The following LPP variants were observed in gnomAD, a reference collection of about 807,000 sequenced individuals.
The protein encoded by LPP is LIM domain containing preferred translocation partner in lipoma, also known as lipoma-preferred partner.
In LPP, 38 loss-of-function variants were observed where a neutral mutation model predicts 60.4. That is an observed-to-expected ratio of 0.63 (90% CI 0.49 to 0.83). LPP has a LOEUF of 0.83. Among genes scored for constraint, LPP ranks in the 40% least tolerant of loss-of-function variants. LPP has a pLI of 0.00. For missense variants in LPP, 902 were observed against 783.6 expected (o/e 1.15, Z -1.80); for synonymous variants, 328 against 290.8 (o/e 1.13, Z -1.30).
chr3:188,294,245 G>T (rs1429492763), intron 2 of LPP, among the ~76,000 whole-genome samples: 1 of 151,998 alleles, frequency 6.6e-6, no homozygotes, highest in South Asian at 2.1e-4. Context: ...TTTTTGGGAT[G>T]CTGAAAATGC....
At chr3:188,726,893 A>C (rs534390307) in intron 8 of LPP, among the ~76,000 whole-genome samples, 4 of 152,188 alleles carry the variant, frequency 2.6e-5, no homozygotes, top group Non-Finnish European at 5.9e-5. Flanking sequence ...CAAAAAAGGG[A>C]GCTTTCTCAG....
chr3:188,230,781 A>G (rs9871616), intron 2 of LPP, among the ~76,000 whole-genome samples: 1 of 151,972 alleles, frequency 6.6e-6, no homozygotes, highest in Non-Finnish European at 1.5e-5. Flanking sequence ...CTCAAAAAAA[A>G]AAAAAAAGAA....
At chr3:188,660,143 T>C (rs1854248247) in intron 7 of LPP, among the ~76,000 whole-genome samples, 1 of 152,216 alleles carries the variant, frequency 6.6e-6, no homozygotes, top group South Asian at 2.1e-4. Context: ...ATTTGCTTTT[T>C]GGTTTTACAT....
At chr3:188,420,851 G>T (rs776029574) in intron 4 of LPP, among the ~76,000 whole-genome samples, 1 of 152,092 alleles carries the variant, frequency 6.6e-6, no homozygotes. Context: ...AAAGTGTAAC[G>T]TGTACACAAT....
In LPP at chr3:188,767,058, T is replaced by C. The variant is rs114407869; in HGVS notation, c.1410+6776T>C. ...AAGAATATATGTCACCTACATATGC[T>C]TTCTGAAGGTTGATTCAAGGATATT... On this transcript the variant is annotated intron_variant, in intron 9 of 11. Coordinates refer to ENST00000617246, the MANE Select transcript of LPP (RefSeq NM_001375462.1). Among the ~76,000 whole-genome samples the C allele has an allele frequency of 4.7e-3, 713 of 152,312 alleles. 3 individuals are homozygous for C. The highest frequency in any genetic ancestry group is 0.016 in the African/African-American group (668 of 41,562).
chr3:188,556,491 A>G (rs1829492255), intron 6 of LPP, among the ~76,000 whole-genome samples: 1 of 152,138 alleles, frequency 6.6e-6, no homozygotes, highest in African/African-American at 2.4e-5. Flanking sequence ...GAATAAAATG[A>G]TCACTAACAT....
intron 3 of LPP, among the ~76,000 whole-genome samples, chr3:188,353,909 G>A (rs1248477976): frequency 6.6e-6 from 1 of 151,696 alleles, no homozygotes; most frequent in Non-Finnish European, 1.5e-5. Flanking sequence ...AAAGAAAAAG[G>A]CACTCTGCCC....
At chr3:188,856,793 T>G (rs1451826528) in intron 9 of LPP, among the ~76,000 whole-genome samples, 2 of 152,198 alleles carry the variant, frequency 1.3e-5, no homozygotes, top group Non-Finnish European at 2.9e-5. Context: ...TTATGAAAGC[T>G]GGACCTAAGG....
chr3:188,700,264 A>G (rs896891965), intron 7 of LPP, among the ~76,000 whole-genome samples: 18 of 152,162 alleles, frequency 1.2e-4, no homozygotes, highest in Non-Finnish European at 2.6e-4. Context: ...TTTGCAGTAA[A>G]TTTGAGTTAT....
At chr3:188,535,255 T>C (rs1395668599) in intron 6 of LPP, among the ~76,000 whole-genome samples, 3 of 152,146 alleles carry the variant, frequency 2.0e-5, no homozygotes, top group African/African-American at 7.2e-5. Flanking sequence ...CACAAATATT[T>C]CAATGTAAAG....
chr3:188,839,633 G>C (rs1759396096), intron 9 of LPP, among the ~76,000 whole-genome samples: 2 of 152,138 alleles, frequency 1.3e-5, no homozygotes, highest in South Asian at 4.1e-4. Context: ...GCTTCACTTT[G>C]GGAGGCTGAG....
rs1770579434 is a variant in LPP, at chr3:188,885,705, A to T, written c.*11226A>T. 2 of 152,522 alleles carry T rather than the reference A, an allele frequency of 1.3e-5. No homozygotes were observed. The highest frequency in any genetic ancestry group is 2.9e-5 in the Non-Finnish European group (2 of 68,260). 9.4% of individuals were successfully genotyped at this position (152,522 alleles called of 1,614,324 possible). ...TATTTCTAGTTCTAGATCCCTGAGG[A>T]ATCTCCACACTGACTTCCACAATGG... On this transcript the variant is annotated 3_prime_UTR_variant, in exon 12 of 12. Transcript: ENST00000617246.
chr3:188,329,803 T>TCC (rs1759486580), intron 2 of LPP, among the ~76,000 whole-genome samples: 1 of 152,172 alleles, frequency 6.6e-6, no homozygotes, highest in Non-Finnish European at 1.5e-5. Flanking sequence ...TGACTGTTCA[T>TCC]TTTCTGAATA....
At chr3:188,784,056 T>A (rs1012730394) in intron 9 of LPP, among the ~76,000 whole-genome samples, 5 of 152,078 alleles carry the variant, frequency 3.3e-5, no homozygotes, top group Admixed American at 3.3e-4. Context: ...ATATTTGTAA[T>A]CTTTTATCCC....
At chr3:188,578,539 G>A (rs924012613) in intron 6 of LPP, among the ~76,000 whole-genome samples, 12 of 152,148 alleles carry the variant, frequency 7.9e-5, no homozygotes, top group Middle Eastern at 6.8e-3. Flanking sequence ...CAATGAAGGC[G>A]ACAGGTTTTT....
chr3:188,656,766 T>A (rs1853309020), intron 7 of LPP, among the ~76,000 whole-genome samples: 1 of 152,192 alleles, frequency 6.6e-6, no homozygotes, highest in South Asian at 2.1e-4. Flanking sequence ...CCTTCTGGCT[T>A]GAAGGAATAA....
At chr3:188,443,907 C>T (rs1033401315) in intron 4 of LPP, among the ~76,000 whole-genome samples, 1 of 152,214 alleles carries the variant, frequency 6.6e-6, no homozygotes, top group Non-Finnish European at 1.5e-5. Flanking sequence ...TACACACTAG[C>T]TCTTCTAACA....
intron 9 of LPP, among the ~76,000 whole-genome samples, chr3:188,786,182 C>A (rs1244325528): frequency 6.6e-6 from 1 of 151,546 alleles, no homozygotes. Context: ...GAGTTCGAAA[C>A]CAGTGTGGCC....
At chr3:188,829,396 A>G (rs1756529350) in intron 9 of LPP, among the ~76,000 whole-genome samples, 1 of 152,124 alleles carries the variant, frequency 6.6e-6, no homozygotes, top group Non-Finnish European at 1.5e-5. Context: ...CCACTTACAC[A>G]CGATCTTAAC....
Sources: allele counts gnomAD v4.1 joint callset (sites outside exome capture counted in the v4.1 genomes callset), GRCh38; gene constraint gnomAD v4.1.1; transcripts MANE v1.5; gene names NCBI Gene and HGNC (gene_info 2026-07-23, HGNC 2026-07-21).